SPIRE1: variants seen among roughly 807,000 people sequenced by gnomAD.
SPIRE1 encodes the protein protein spire homolog 1.
A neutral mutation model predicts 94.1 loss-of-function variants in SPIRE1; 40 were observed. That is an observed-to-expected ratio of 0.43 (90% CI 0.33 to 0.55). SPIRE1 has a LOEUF of 0.55. SPIRE1 is among the 20% of genes least tolerant of loss of function. The pLI, the probability that SPIRE1 is intolerant of heterozygous loss-of-function variation, is 0.06. For missense variants in SPIRE1, 838 were observed against 975.2 expected, an observed-to-expected ratio of 0.86 and a Z score of 1.87; for synonymous variants, 376 against 371.7, an observed-to-expected ratio of 1.01 and a Z score of -0.13.
In SPIRE1 at chr18:12,515,538, A is replaced by G. The variant is rs116801534; in HGVS notation, c.730-3007T>C. On this transcript the variant is annotated intron_variant, in intron 4 of 16. Transcript: ENST00000409402. ...TCTCAAAAAAATAAAACAAAATATT[A>G]ATAAAACAACAGATAAACATGACAT... 2.2e-3 allele frequency among the ~76,000 whole-genome samples: 339 copies of G among 152,262 alleles called. 4 individuals carry two copies. The highest frequency in any genetic ancestry group is 7.8e-3 in the African/African-American group (325 of 41,554).
At position 12,572,696 on chromosome 18, in the gene SPIRE1, T is replaced by C. The variant is rs951888639; in HGVS notation, c.373-25792A>G. ...CAAAAGAAATGATAAAATAGATCAA[T>C]GGGACAGAGTACACAGCCGAGAAAT... On this transcript the variant is annotated intron_variant, in intron 2 of 16. Transcript: ENST00000409402. Among the ~76,000 whole-genome samples, 5 of 152,254 alleles carry C rather than the reference T, an allele frequency of 3.3e-5. No individual in the cohort carries two copies. The South Asian group carries it at 8.3e-4, about 25-fold the overall frequency.
At chr18:12,608,804 A>G (rs1334595319) in intron 2 of SPIRE1, among the ~76,000 whole-genome samples, 2 of 152,202 alleles carry the variant, frequency 1.3e-5, no homozygotes, top group Non-Finnish European at 2.9e-5. Flanking sequence ...ACAACAACCC[A>G]AGGAACAGGT....
At chr18:12,614,808 G>C (rs2037239078) in intron 2 of SPIRE1, among the ~76,000 whole-genome samples, 1 of 151,902 alleles carries the variant, frequency 6.6e-6, no homozygotes, top group South Asian at 2.1e-4. Flanking sequence ...GCAAGAGCAA[G>C]ACTCTGTCTT....
At chr18:12,492,805 C>G (rs937352319) in intron 8 of SPIRE1, among the ~76,000 whole-genome samples, 36 of 152,116 alleles carry the variant, frequency 2.4e-4, no homozygotes, top group African/African-American at 8.4e-4. Context: ...AGAGCTCTTT[C>G]AATTACGGCA....
intron 10 of SPIRE1, among the ~76,000 whole-genome samples, chr18:12,477,596 A>G (rs552784259): frequency 6.6e-6 from 1 of 152,226 alleles, no homozygotes; most frequent in Non-Finnish European, 1.5e-5. Flanking sequence ...GGACAGAGAA[A>G]TAAGTGAATA....
rs2031105340 is a variant in SPIRE1 at position 12,449,340 on chromosome 18, C to T, written c.*298G>A. ...CTTAGTCAGGAGATTATTCGAGGAA[C>T]AGTAAAGAACTGAACTAAGGAAGTA... On this transcript the variant is annotated 3_prime_UTR_variant, in exon 17 of 17. Transcript: ENST00000409402. The T allele has an allele frequency of 9.2e-6, 3 of 324,580 alleles. No homozygotes were observed. The highest frequency in any genetic ancestry group is 1.7e-5 in the Non-Finnish European group (3 of 175,744). 20.1% of individuals were successfully genotyped at this position (324,580 alleles called of 1,614,324 possible).
At chr18:12,495,543 C>T (rs1291053053) in intron 7 of SPIRE1, among the ~76,000 whole-genome samples, 3 of 152,022 alleles carry the variant, frequency 2.0e-5, no homozygotes, top group South Asian at 2.1e-4. Context: ...GTAAAAGTAT[C>T]CTAAGACAGC....
rs1454979348 is a variant in SPIRE1 at position 12,449,598 on chromosome 18, C to T, written c.*40G>A. 8.1e-6 allele frequency: 13 copies of T among 1,596,384 alleles called. No homozygotes were observed. Among genetic ancestry groups the T allele is most frequent in the East Asian group, 4.5e-5 (2 of 44,346 alleles). The stretch of plus-strand genomic sequence containing the variant: ...CCGGCTCAGTGTCCTCGCGCACGGA[C>T]GCTGACTCGTAGCACAAAAGCAGCT... On this transcript the variant is annotated 3_prime_UTR_variant, in exon 17 of 17. Transcript: ENST00000409402.
chr18:12,495,993 G>A, intron 7 of SPIRE1, 23 bp downstream of exon 7: 2 of 1,537,336 alleles, frequency 1.3e-6, no homozygotes, highest in Non-Finnish European at 9.0e-7. Context: ...CTCCAATCTA[G>A]AGAACTATGT....
At chr18:12,573,671 A>G (rs1002652270) in intron 2 of SPIRE1, among the ~76,000 whole-genome samples, 1 of 152,256 alleles carries the variant, frequency 6.6e-6, no homozygotes, top group African/African-American at 2.4e-5. Flanking sequence ...GTGTCATCAT[A>G]TATCTGTCAA....
intron 2 of SPIRE1, among the ~76,000 whole-genome samples, chr18:12,563,321 C>G (rs544579781): frequency 1.1e-3 from 168 of 147,290 alleles, no homozygotes; most frequent in African/African-American, 4.0e-3. Context: ...TTATATTAGT[C>G]TTTTTTTTTT....
intron 1 of SPIRE1, among the ~76,000 whole-genome samples, chr18:12,657,054 G>C (rs909097323): frequency 6.6e-6 from 1 of 152,254 alleles, no homozygotes; most frequent in Non-Finnish European, 1.5e-5. Flanking sequence ...CCCGTGAGGA[G>C]TGCGGTGTTT....
intron 4 of SPIRE1, among the ~76,000 whole-genome samples, chr18:12,529,293 C>T (rs1346875956): frequency 2.7e-5 from 4 of 150,716 alleles, no homozygotes; most frequent in African/African-American, 9.8e-5. Flanking sequence ...GGTGTGAACC[C>T]GGGAGGTGGA....
At chr18:12,598,624 G>A (rs1428809084) in intron 2 of SPIRE1, among the ~76,000 whole-genome samples, 1 of 152,088 alleles carries the variant, frequency 6.6e-6, no homozygotes, top group African/African-American at 2.4e-5. Flanking sequence ...TTACAGAAAA[G>A]TCTCAGGAAT....
rs572554901 is a variant in SPIRE1 at position 12,533,468 on chromosome 18, A to G, written c.729+2008T>C. On this transcript the variant is annotated intron_variant, in intron 4 of 16. Transcript: ENST00000409402. ...TGACATAACAAGGTTTAGAAAAAGG[A>G]ACATCTCGCACACAAGTGTGAATAT... Among the ~76,000 whole-genome samples the G allele has an allele frequency of 4.6e-4, 70 of 152,364 alleles. 1 individual carries two copies. The highest frequency in any genetic ancestry group is 1.6e-3 in the African/African-American group (66 of 41,586).
At chr18:12,544,747 T>C (rs983854574) in intron 3 of SPIRE1, among the ~76,000 whole-genome samples, 2 of 152,202 alleles carry the variant, frequency 1.3e-5, no homozygotes. Context: ...ATAAAAGGTA[T>C]CCATTCAAAC....
intron 2 of SPIRE1, among the ~76,000 whole-genome samples, chr18:12,616,576 A>G (rs930185967): frequency 1.3e-5 from 2 of 152,226 alleles, no homozygotes; most frequent in Admixed American, 6.5e-5. Flanking sequence ...TGTTGTTACA[A>G]CCTATAAAAT....
intron 2 of SPIRE1, among the ~76,000 whole-genome samples, chr18:12,630,850 A>G (rs940688321): frequency 4.6e-5 from 7 of 152,294 alleles, no homozygotes; most frequent in Admixed American, 6.5e-5. Flanking sequence ...AGCTTATACT[A>G]GCAAGAGTTG....
chr18:12,589,415 C>T (rs1422699892), intron 2 of SPIRE1, among the ~76,000 whole-genome samples: 2 of 152,156 alleles, frequency 1.3e-5, no homozygotes, highest in Non-Finnish European at 2.9e-5. Context: ...GGTCTGAAGG[C>T]CGCCCACTCT....
Sources: gnomAD v4.1 joint callset for allele counts (sites outside exome capture counted in the v4.1 genomes callset) on GRCh38, gnomAD v4.1.1 for gene constraint, MANE v1.5 for transcripts, NCBI Gene and HGNC (gene_info 2026-07-23, HGNC 2026-07-21) for gene names.